TBKBP1: variants seen among roughly 807,000 people sequenced by gnomAD.
TBKBP1 encodes TANK-binding kinase 1-binding protein 1.
A neutral mutation model predicts 69.9 loss-of-function variants in TBKBP1; 47 were observed. That is an observed-to-expected ratio of 0.67 (90% CI 0.53 to 0.86). The LOEUF (loss-of-function observed/expected upper bound fraction) is 0.86, where lower values mean the gene tolerates loss of function less well. TBKBP1 is among the 40% of genes least tolerant of loss of function. The pLI is 0.00. For missense variants in TBKBP1, 831 were observed against 858.6 expected (o/e 0.97, Z 0.40); for synonymous variants, 418 against 390.3 (o/e 1.07, Z -0.84).
At position 47,710,563 on chromosome 17, in the gene TBKBP1, C is replaced by T. The variant is rs765021184; in HGVS notation, c.1785C>T (p.Val595=). ...SCPLCQLGFP[V]GYPDDALIKH... is the part of the protein sequence containing the mutation. ...CCCTCTGCCAGCTGGGTTTCCCTGTCGGGTACCCGGATGATGCCCTCATCA... is the reference window on the plus strand; with the variant it reads ...CCCTCTGCCAGCTGGGTTTCCCTGTTGGGTACCCGGATGATGCCCTCATCA... Residue 595 remains valine (V), a synonymous_variant, in exon 10 of 10, where the codon GTC becomes GTT. Coordinates refer to ENST00000578982, the MANE Select transcript of TBKBP1 (RefSeq NM_001394755.1). The T allele has an allele frequency of 4.3e-6, 7 of 1,612,362 alleles. No homozygotes were observed. Among genetic ancestry groups the T allele is most frequent in the African/African-American group, 4.0e-5 (3 of 74,896 alleles).
At chr17:47,699,195 C>A in intron 5 of TBKBP1, 125 bp from the exon 6 acceptor site, 1 of 1,077,234 alleles carries the variant, frequency 9.3e-7, no homozygotes, top group Admixed American at 3.6e-5. Flanking sequence ...CGCAGTCATC[C>A]CTCCTTGGCT....
intron 3 of TBKBP1, 60 bp downstream of exon 3, chr17:47,696,893 C>T (rs2143256563): frequency 1.3e-6 from 2 of 1,594,378 alleles, no homozygotes; most frequent in East Asian, 2.2e-5. Flanking sequence ...TTTCTGATAC[C>T]CTTCCCTCCA....
chr17:47,702,462 G>T (rs563228545), intron 7 of TBKBP1, among the ~76,000 whole-genome samples: 10 of 152,122 alleles, frequency 6.6e-5, no homozygotes, highest in Non-Finnish European at 1.5e-4. Flanking sequence ...AGACACCTCC[G>T]GGGCAGCCAG....
chr17:47,699,373 G>T lies in TBKBP1; in HGVS notation c.688G>T (p.Glu230Ter). ...SVSDLERRRL[E>*]EALEAAQGEA... is the part of the protein sequence containing the mutation. ...GAGTGACCTGGAGCGGCGGCGGCTA[G>T]AAGAGGCTTTGGAGGCCGCGCAGGG... is the stretch of plus-strand genomic sequence containing the variant. The change falls in exon 6 of 10, where the codon GAA (glutamate) becomes TAA (stop). Residue 230 changes from glutamate (E) to a stop codon, truncating the protein, a stop_gained. Transcript: ENST00000578982. LOFTEE classifies it high-confidence loss of function. 6.4e-7 allele frequency: 1 copy of T among 1,562,816 alleles called. No individual in the cohort carries two copies. The highest frequency in any genetic ancestry group is 8.6e-7 in the Non-Finnish European group (1 of 1,159,586).
At position 47,709,004 on chromosome 17, in the gene TBKBP1, C is replaced by T. The variant is rs1416019228; in HGVS notation, c.1271C>T (p.Pro424Leu). 10 of 1,155,160 alleles carry T rather than the reference C, an allele frequency of 8.7e-6. No homozygotes were observed. Among genetic ancestry groups the T allele is most frequent in the Non-Finnish European group, 9.6e-6 (9 of 937,484 alleles). The allele number at this position is 1,155,160 out of a possible 1,614,324, so 71.6% of individuals were successfully genotyped here. ...RSPVPPSCPA[P>L]QPRPPPPPPP... ...CCGGTGCCCCCCAGCTGCCCGGCCCCGCAGCCCCGGCCACCGCCGCCGCCC... is the reference window on the plus strand; with the variant it reads ...CCGGTGCCCCCCAGCTGCCCGGCCCTGCAGCCCCGGCCACCGCCGCCGCCC... Residue 424 changes from proline (P) to leucine (L), a missense_variant, in exon 9 of 10, where the codon CCG becomes CTG. Transcript: ENST00000578982.
intron 1 of TBKBP1, chr17:47,695,812 CTGCTGCCG>C (rs2031205526): frequency 6.2e-6 from 2 of 325,078 alleles, no homozygotes; most frequent in Non-Finnish European, 1.1e-5. Context: ...GAGCCTGCCC[CTGCTGCCG>C]GCCTGGCTTA....
chr17:47,709,303 G>T lies in TBKBP1; in HGVS notation c.1570G>T (p.Asp524Tyr). ...CTTCGAGAAGCAGCCGTCGGAGGAG[G>T]ACGAGTGGGCTGTGCCCACCAGCCC... ...LRFEKQPSEE[D>Y]EWAVPTSPPS... The change falls in exon 9 of 10, where the codon GAC becomes TAC. Residue 524 changes from aspartate (D) to tyrosine (Y), a missense_variant. Physicochemically the swap from Asp to Tyr is radical, Grantham distance 160. Coordinates refer to ENST00000578982, the MANE Select transcript of TBKBP1 (RefSeq NM_001394755.1). 1 of 1,529,508 alleles carries T rather than the reference G, an allele frequency of 6.5e-7. No homozygotes were observed. The highest frequency in any genetic ancestry group is 1.4e-5 in the African/African-American group (1 of 71,340). The allele number at this position is 1,529,508 out of a possible 1,614,324, so 94.7% of individuals were successfully genotyped here.
chr17:47,704,845 T>A (rs2031642554), intron 7 of TBKBP1, among the ~76,000 whole-genome samples: 1 of 152,198 alleles, frequency 6.6e-6, no homozygotes, highest in Admixed American at 6.5e-5. Flanking sequence ...AAAGACTGAA[T>A]GAAAGGATGC....
At chr17:47,702,888 C>T (rs1213362272) in intron 7 of TBKBP1, among the ~76,000 whole-genome samples, 2 of 151,900 alleles carry the variant, frequency 1.3e-5, no homozygotes, top group African/African-American at 4.8e-5. Context: ...AGGCGCAGCA[C>T]CCACAACCCC....
chr17:47,704,499 A>C (rs1182823296), intron 7 of TBKBP1, among the ~76,000 whole-genome samples: 1 of 152,176 alleles, frequency 6.6e-6, no homozygotes, highest in Non-Finnish European at 1.5e-5. Flanking sequence ...ATTATCCCAC[A>C]GGGGTGAGGT....
chr17:47,696,042 C>A, intron 1 of TBKBP1, 37 bp from the exon 2 acceptor site: 1 of 1,260,614 alleles, frequency 7.9e-7, no homozygotes, highest in Non-Finnish European at 1.1e-6. Context: ...AAACCCTAGA[C>A]AGACGGCCCT....
chr17:47,698,188 T>C (rs1203644830), intron 4 of TBKBP1, among the ~76,000 whole-genome samples: 1 of 152,174 alleles, frequency 6.6e-6, no homozygotes, highest in African/African-American at 2.4e-5. Context: ...TCACCTGGCA[T>C]ACACTAGCTC....
At position 47,710,644 on chromosome 17, in the gene TBKBP1, C is replaced by A; in HGVS notation, c.*18C>A. On this transcript the variant is annotated 3_prime_UTR_variant, in exon 10 of 10. Coordinates refer to ENST00000578982, the MANE Select transcript of TBKBP1 (RefSeq NM_001394755.1). ...AGATCTAGGGCACCAGCCCCACCCA[C>A]TGGCTGTTTCTCCGTCCTCTCCTAT... 2 of 1,588,622 alleles carry A rather than the reference C, an allele frequency of 1.3e-6. No individual in the cohort carries two copies. The highest frequency in any genetic ancestry group is 2.2e-5 in the South Asian group (2 of 90,372).
rs2031890482 is a variant in TBKBP1 at position 47,710,601 on chromosome 17, C to T, written c.1823C>T (p.Ser608Phe). ...GATGCCCTCATCAAACACATTGACT[C>T]CCACCTGGAGAACAGCAAGATCTAG... ...PDDALIKHID[S>F]HLENSKI The change falls in exon 10 of 10, where the codon TCC becomes TTC. Residue 608 changes from serine to phenylalanine, a missense_variant. Ser to Phe is a radical substitution (Grantham distance 155). Transcript: ENST00000578982. The T allele has an allele frequency of 6.2e-7, 1 of 1,609,420 alleles. No homozygotes were observed. Among genetic ancestry groups the T allele is most frequent in the South Asian group, 1.1e-5 (1 of 90,996 alleles).
At position 47,697,205 on chromosome 17, in the gene TBKBP1, G is replaced by A; in HGVS notation, c.453+12G>A. On this transcript the variant is annotated intron_variant, in intron 4 of 9. Coordinates refer to ENST00000578982, the MANE Select transcript of TBKBP1 (RefSeq NM_001394755.1). ...AGCTGAGGGAGATGGTGAGGCCTGG[G>A]GAGCCGGAGGTGCTTGAGGATGTGT... 6.2e-7 allele frequency: 1 copy of A among 1,607,688 alleles called. No homozygotes were observed. Among genetic ancestry groups the A allele is most frequent in the Non-Finnish European group, 8.5e-7 (1 of 1,176,462 alleles).
intron 3 of TBKBP1, 21 bp downstream of exon 3, chr17:47,696,854 G>A (rs374189970): frequency 1.4e-5 from 23 of 1,611,942 alleles, no homozygotes; most frequent in African/African-American, 2.7e-5. Flanking sequence ...CAGGCTGGGC[G>A]CACCCCCTGA....
intron 5 of TBKBP1, 124 bp from the exon 6 acceptor site, chr17:47,699,196 C>T (rs1039218697): frequency 1.6e-4 from 179 of 1,117,788 alleles, no homozygotes; most frequent in Non-Finnish European, 2.1e-4. Flanking sequence ...GCAGTCATCC[C>T]TCCTTGGCTA....
rs1204527524 is a variant in TBKBP1, at chr17:47,711,054, TG to T, written c.*432del. The T allele has an allele frequency of 1.3e-5, 2 of 156,684 alleles. No individual in the cohort carries two copies. Among genetic ancestry groups the T allele is most frequent in the African/African-American group, 4.8e-5 (2 of 41,696 alleles). 9.7% of individuals were successfully genotyped at this position (156,684 alleles called of 1,614,324 possible). On this transcript the variant is annotated 3_prime_UTR_variant, in exon 10 of 10. Coordinates refer to ENST00000578982, the MANE Select transcript of TBKBP1 (RefSeq NM_001394755.1). ...CATCTTTCTCAGACGGGGCTCTGTC[TG>T]GGGAGCACCCACAGGCTGCCTTTGG...
At chr17:47,694,908 T>C (rs2031156813) in intron 1 of TBKBP1, among the ~76,000 whole-genome samples, 3 of 148,222 alleles carry the variant, frequency 2.0e-5, no homozygotes, top group South Asian at 2.1e-4. Flanking sequence ...GTGGATTGAA[T>C]TGGAGCCTGC....
Sources: gnomAD v4.1 joint callset for allele counts (sites outside exome capture counted in the v4.1 genomes callset) on GRCh38, gnomAD v4.1.1 for gene constraint, MANE v1.5 for transcripts, NCBI Gene and HGNC (gene_info 2026-07-23, HGNC 2026-07-21) for gene names.